The following PDE4D variants were observed in gnomAD, a reference collection of about 807,000 sequenced individuals.
PDE4D encodes the protein 3',5'-cyclic-AMP phosphodiesterase 4D.
A neutral mutation model predicts 87.4 loss-of-function variants in PDE4D; 24 were observed. The ratio of observed to expected loss-of-function variants is 0.27; its 90% CI spans 0.20 to 0.39. The LOEUF is 0.39. Ranked by LOEUF, PDE4D falls within the 10% of genes least tolerant of loss-of-function variation. The pLI, the probability that PDE4D is intolerant of heterozygous loss-of-function variation, is 1.00. For missense variants in PDE4D, 714 were observed against 1,041.0 expected (o/e 0.69, Z 4.32); for synonymous variants, 384 against 383.2 (o/e 1.00, Z -0.02).
At chr5:60,461,316 T>G (rs1165868075) in intron 1 of PDE4D, among the ~76,000 whole-genome samples, 1 of 152,110 alleles carries the variant, frequency 6.6e-6, no homozygotes, top group Admixed American at 6.5e-5. Context: ...CCACTTATAC[T>G]CTTGGTGAAA....
intron 1 of PDE4D, among the ~76,000 whole-genome samples, chr5:59,501,554 C>T (rs1406670098): frequency 6.6e-6 from 1 of 151,970 alleles, no homozygotes; most frequent in Non-Finnish European, 1.5e-5. Context: ...GGAAATGCAT[C>T]CAGAGGCAGA....
chr5:60,468,195 ATGG>A (rs1747536659), intron 1 of PDE4D, among the ~76,000 whole-genome samples: 1 of 145,348 alleles, frequency 6.9e-6, no homozygotes, highest in Non-Finnish European at 1.5e-5. Context: ...CTGGAGTGCA[ATGG>A]TATGATTTCT....
chr5:60,146,210 T>A (rs1780987253), intron 2 of PDE4D, among the ~76,000 whole-genome samples: 1 of 152,188 alleles, frequency 6.6e-6, no homozygotes, highest in Non-Finnish European at 1.5e-5. Context: ...TGAGACTCCA[T>A]CTCAAAAACA....
chr5:60,046,083 C>A (rs1477584824), intron 2 of PDE4D, among the ~76,000 whole-genome samples: 1 of 152,188 alleles, frequency 6.6e-6, no homozygotes, highest in African/African-American at 2.4e-5. Flanking sequence ...TCCTTCACAT[C>A]CCTTGTTAAG....
chr5:59,766,666 G>A (rs538490643), intron 1 of PDE4D, among the ~76,000 whole-genome samples: 1 of 152,350 alleles, frequency 6.6e-6, no homozygotes, highest in East Asian at 1.9e-4. Context: ...TCCTGGCTCC[G>A]TAGGAACTCA....
intron 1 of PDE4D, among the ~76,000 whole-genome samples, chr5:60,326,281 C>A (rs74516063): frequency 0.033 from 5,043 of 152,146 alleles, 125 homozygotes; most frequent in Middle Eastern, 0.082. Flanking sequence ...TTTACATTCC[C>A]ATTATCCATG....
At chr5:60,052,517 T>C (rs1195353962) in intron 2 of PDE4D, among the ~76,000 whole-genome samples, 1 of 152,118 alleles carries the variant, frequency 6.6e-6, no homozygotes, top group East Asian at 1.9e-4. Flanking sequence ...CTCAATACAC[T>C]AGGTATTGAT....
intron 1 of PDE4D, chr5:59,430,651 G>A (rs952192055): frequency 3.2e-6 from 1 of 317,236 alleles, no homozygotes; most frequent in African/African-American, 2.1e-5. Context: ...TTCTAACCAG[G>A]CTCATGCTCT....
chr5:59,390,244 C>A (rs1371957282), intron 1 of PDE4D, among the ~76,000 whole-genome samples: 2 of 152,116 alleles, frequency 1.3e-5, no homozygotes, highest in African/African-American at 4.8e-5. Context: ...CACTTGCCCA[C>A]AAGATGGCGC....
Position 59,330,286 on chromosome 5 carries a change from C to A in PDE4D, c.456-114318G>T, listed in dbSNP as rs183950680. On this transcript the variant is annotated intron_variant, in intron 1 of 14. Coordinates refer to ENST00000340635, the MANE Select transcript of PDE4D (RefSeq NM_001104631.2). ...AGTAGCATTTAAGCAAAACCTGGTA[C>A]AGAAGTGAAATATATAGTTGAAGCC... Among the ~76,000 whole-genome samples, 1,130 of 152,210 alleles carry A rather than the reference C, an allele frequency of 7.4e-3. 13 individuals carry two copies. The highest frequency in any genetic ancestry group is 0.025 in the African/African-American group (1,052 of 41,540).
intron 1 of PDE4D, among the ~76,000 whole-genome samples, chr5:59,831,103 G>T (rs528290562): frequency 6.6e-6 from 1 of 151,900 alleles, no homozygotes; most frequent in Non-Finnish European, 1.5e-5. Flanking sequence ...ATGAGAAAGG[G>T]TCAGAAACAA....
intron 2 of PDE4D, among the ~76,000 whole-genome samples, chr5:60,072,306 G>A (rs868046404): frequency 3.3e-5 from 5 of 151,892 alleles, no homozygotes; most frequent in South Asian, 2.1e-4. Context: ...TTAGCTGCAC[G>A]TACTTTTTTT....
intron 1 of PDE4D, among the ~76,000 whole-genome samples, chr5:59,535,540 C>T (rs1269235029): frequency 1.3e-5 from 2 of 152,160 alleles, no homozygotes; most frequent in African/African-American, 2.4e-5. Context: ...TGATAAAGTA[C>T]ATCAAGCTGA....
chr5:60,176,126 C>T (rs1783881130), intron 2 of PDE4D, among the ~76,000 whole-genome samples: 1 of 152,124 alleles, frequency 6.6e-6, no homozygotes, highest in Non-Finnish European at 1.5e-5. Flanking sequence ...GATGCACTCC[C>T]TATATCTGCC....
chr5:59,215,227 T>G (rs1195081210), intron 2 of PDE4D, among the ~76,000 whole-genome samples: 1 of 151,456 alleles, frequency 6.6e-6, no homozygotes, highest in Non-Finnish European at 1.5e-5. Flanking sequence ...CTGTCTAATG[T>G]TTTCTGTGCT....
At chr5:59,223,418 CCT>C (rs768275942) in intron 1 of PDE4D, among the ~76,000 whole-genome samples, 41 of 152,064 alleles carry the variant, frequency 2.7e-4, no homozygotes, top group Non-Finnish European at 5.6e-4. Context: ...TCCACTCTCC[CCT>C]GTGTATTGTA....
rs75556653 is a variant in PDE4D, at chr5:59,151,696, T to C, written c.808+28899A>G. 2.3e-4 allele frequency among the ~76,000 whole-genome samples: 35 copies of C among 152,264 alleles called. 1 individual carries two copies. The East Asian group carries it at 6.4e-3, about 28-fold the overall frequency. Reference sequence around the variant, plus strand: ...TGTGTTTAAAGCTGGGCACCACTTCTACCTTAGGGAGAGAGATGGTGCGAA... The same window carrying C: ...TGTGTTTAAAGCTGGGCACCACTTCCACCTTAGGGAGAGAGATGGTGCGAA... On this transcript the variant is annotated intron_variant, in intron 5 of 14. Transcript: ENST00000340635.
intron 2 of PDE4D, among the ~76,000 whole-genome samples, chr5:60,117,812 A>T (rs1260624868): frequency 6.6e-6 from 1 of 151,762 alleles, no homozygotes; most frequent in East Asian, 1.9e-4. Flanking sequence ...TACTAAACAC[A>T]AACACACACA....
At chr5:59,352,758 G>A (rs1002614948) in intron 1 of PDE4D, among the ~76,000 whole-genome samples, 1 of 152,064 alleles carries the variant, frequency 6.6e-6, no homozygotes, top group Non-Finnish European at 1.5e-5. Context: ...TTGTACTTTT[G>A]TTTGTTGATC....
Sources: gnomAD v4.1 joint callset for allele counts (sites outside exome capture counted in the v4.1 genomes callset) on GRCh38, gnomAD v4.1.1 for gene constraint, MANE v1.5 for transcripts, NCBI Gene and HGNC (gene_info 2026-07-23, HGNC 2026-07-21) for gene names.